VAT1: variants seen among roughly 807,000 people sequenced by gnomAD.
VAT1 encodes the protein NADPH-dependent quinone oxidoreductase VAT1.
VAT1 carries 24 observed loss-of-function variants against 33.3 expected under a neutral mutation model. The observed-to-expected ratio is 0.72, with a 90% CI of 0.52 to 1.01. The LOEUF (loss-of-function observed/expected upper bound fraction) is 1.01, where lower values mean the gene tolerates loss of function less well. Among genes scored for constraint, VAT1 ranks in the 50% least tolerant of loss-of-function variants. VAT1 has a pLI of 0.00. For missense variants in VAT1, 436 were observed against 533.7 expected, an observed-to-expected ratio of 0.82 and a Z score of 1.80; for synonymous variants, 212 against 225.0, an observed-to-expected ratio of 0.94 and a Z score of 0.52.
At chr17:43,018,504 A>G (rs1433042685) in intron 2 of VAT1, 88 bp downstream of exon 2, 4 of 1,472,392 alleles carry the variant, frequency 2.7e-6, no homozygotes, top group Non-Finnish European at 3.7e-6. Context: ...TGGTGTTGCC[A>G]TGACAACAAC....
chr17:43,019,124 T>G (rs1224016476), intron 1 of VAT1: 2 of 322,916 alleles, frequency 6.2e-6, no homozygotes, highest in Admixed American at 9.3e-5. Context: ...GATCCCTGAA[T>G]GCAAGAAGCT....
In VAT1 at chr17:43,015,055, A is replaced by G. The variant is rs2050509607; in HGVS notation, c.*1006T>C. 1.3e-5 allele frequency: 2 copies of G among 152,702 alleles called. No homozygotes were observed. The highest frequency in any genetic ancestry group is 2.1e-4 in the South Asian group (1 of 4,828). The allele number at this position is 152,702 out of a possible 1,614,324, so 9.5% of individuals were successfully genotyped here. On this transcript the variant is annotated 3_prime_UTR_variant, in exon 6 of 6. Transcript: ENST00000355653. ...TGCCTTTCAGAGCTCTGGCTAGTAA[A>G]TGCCACACATATCTGCAAGGCTGAG...
In VAT1 at chr17:43,017,822, C is replaced by T. The variant is rs1222550212; in HGVS notation, c.856+19G>A. On this transcript the variant is annotated intron_variant, in intron 4 of 5. Transcript: ENST00000355653. Reference sequence around the variant, plus strand: ...TCCTGCCCTCACATGCTCTCTCCATCCCTGGCCCACTAACTCACCATAGGT... The same window carrying T: ...TCCTGCCCTCACATGCTCTCTCCATTCCTGGCCCACTAACTCACCATAGGT... 1 of 1,612,968 alleles carries T rather than the reference C, an allele frequency of 6.2e-7. No individual in the cohort carries two copies. The highest frequency in any genetic ancestry group is 8.5e-7 in the Non-Finnish European group (1 of 1,179,098).
rs1394735437 is a variant in VAT1 at position 43,014,886 on chromosome 17, A to G, written c.*1175T>C. Reference sequence around the variant, plus strand: ...ATCCCACTCTGTACTTCCCTGCTCCATCTCCCCACCCATGTAAACAGAGTT... The same window carrying G: ...ATCCCACTCTGTACTTCCCTGCTCCGTCTCCCCACCCATGTAAACAGAGTT... On this transcript the variant is annotated 3_prime_UTR_variant, in exon 6 of 6. Coordinates refer to ENST00000355653, the MANE Select transcript of VAT1 (RefSeq NM_006373.4). The G allele has an allele frequency of 1.3e-5, 2 of 152,632 alleles. No individual in the cohort carries two copies. The highest frequency in any genetic ancestry group is 2.9e-5 in the Non-Finnish European group (2 of 68,098). 9.5% of individuals were successfully genotyped at this position (152,632 alleles called of 1,614,324 possible).
At chr17:43,021,861 C>G (rs1174592513) in intron 1 of VAT1, 75 bp downstream of exon 1, 127 of 1,562,822 alleles carry the variant, frequency 8.1e-5, no homozygotes, top group Non-Finnish European at 9.9e-5. Flanking sequence ...CTGCCACACC[C>G]CCGGCGCTCG....
In VAT1 at chr17:43,016,089, A is replaced by C. The variant is rs1292615833; in HGVS notation, c.1154T>G (p.Leu385Arg). The change falls in exon 6 of 6, where the codon CTG becomes CGG. Residue 385 changes from leucine (L) to arginine (R), a missense_variant. By Grantham distance (102) the Leu-to-Arg change is moderately radical. Coordinates refer to ENST00000355653, the MANE Select transcript of VAT1 (RefSeq NM_006373.4). ...QEKKNVGKVL[L>R]VPGPEKEN Reference sequence around the variant, plus strand: ...GTTCTCCTTCTCTGGCCCTGGAACCAGGAGGACCTTGCCCACATTCTTCTT... The same window carrying C: ...GTTCTCCTTCTCTGGCCCTGGAACCCGGAGGACCTTGCCCACATTCTTCTT... 2 of 1,614,184 alleles carry C rather than the reference A, an allele frequency of 1.2e-6. No individual in the cohort carries two copies. Among genetic ancestry groups the C allele is most frequent in the South Asian group, 2.2e-5 (2 of 91,076 alleles).
chr17:43,016,251 G>A (rs1272757420), intron 5 of VAT1, 56 bp downstream of exon 5: 9 of 1,607,288 alleles, frequency 5.6e-6, no homozygotes, highest in African/African-American at 1.3e-5. Context: ...TGCCCCTTGG[G>A]ACCCCAGCCT....
At chr17:43,016,810 G>T (rs543260143) in intron 4 of VAT1, among the ~76,000 whole-genome samples, 162 of 152,176 alleles carry the variant, frequency 1.1e-3, no homozygotes, top group African/African-American at 3.8e-3. Context: ...TTGAGGTCAG[G>T]AGTTCGAGAC....
At position 43,015,919 on chromosome 17, in the gene VAT1, G is replaced by C; in HGVS notation, c.*142C>G. 1 of 894,344 alleles carries C rather than the reference G, an allele frequency of 1.1e-6. No homozygotes were observed. The highest frequency in any genetic ancestry group is 1.5e-5 in the South Asian group (1 of 65,192). 55.4% of individuals were successfully genotyped at this position (894,344 alleles called of 1,614,324 possible). Reference sequence around the variant, plus strand: ...TCAGGAAGCGGGGAGGGGCAGGGGAGAGCGGTCATCACCACAGAGACCTTC... The same window carrying C: ...TCAGGAAGCGGGGAGGGGCAGGGGACAGCGGTCATCACCACAGAGACCTTC... On this transcript the variant is annotated 3_prime_UTR_variant, in exon 6 of 6. Coordinates refer to ENST00000355653, the MANE Select transcript of VAT1 (RefSeq NM_006373.4).
rs951443477 is a variant in VAT1 at position 43,015,318 on chromosome 17, T to TCC, written c.*741_*742dup. 2 of 152,580 alleles carry TCC rather than the reference T, an allele frequency of 1.3e-5. No homozygotes were observed. The highest frequency in any genetic ancestry group is 2.9e-5 in the Non-Finnish European group (2 of 68,138). 9.5% of individuals were successfully genotyped at this position (152,580 alleles called of 1,614,324 possible). ...GAGAAGGAGGTGGGAAACAGGATCC[T>TCC]CCCTCCCCGCCGCCACACACACACA... is the stretch of plus-strand genomic sequence containing the variant. On this transcript the variant is annotated 3_prime_UTR_variant, in exon 6 of 6. Transcript: ENST00000355653.
chr17:43,018,554 G>A (rs2050539931), intron 2 of VAT1, 38 bp downstream of exon 2: 1 of 1,605,970 alleles, frequency 6.2e-7, no homozygotes, highest in African/African-American at 1.3e-5. Context: ...AGGAAATCTG[G>A]GTGGGGTAAG....
chr17:43,019,805 ACAATCTGGGTCTGTCTTGAT>A (rs1199221341), intron 1 of VAT1, among the ~76,000 whole-genome samples: 1 of 152,070 alleles, frequency 6.6e-6, no homozygotes. Flanking sequence ...CTGTTCTGGG[ACAATCTGGGTCTGTCTTGAT>A]CCCTGCCAGG....
Position 43,015,797 on chromosome 17 carries a change from G to A in VAT1, c.*264C>T. 5.5e-6 allele frequency: 3 copies of A among 547,108 alleles called. No homozygotes were observed. The South Asian group carries it at 6.4e-5, about 12-fold the overall frequency. 33.9% of individuals were successfully genotyped at this position (547,108 alleles called of 1,614,324 possible). On this transcript the variant is annotated 3_prime_UTR_variant, in exon 6 of 6. Coordinates refer to ENST00000355653, the MANE Select transcript of VAT1 (RefSeq NM_006373.4). ...AAGCAGCACAGCAGGCCCGGGGAAA[G>A]GGTGGGGGCAGGAAGCAGCCGGCCT... is the stretch of plus-strand genomic sequence containing the variant.
chr17:43,015,156 T>C lies in VAT1; in HGVS notation c.*905A>G, dbSNP rs2050510359. 1 of 152,726 alleles carries C rather than the reference T, an allele frequency of 6.5e-6. No homozygotes were observed. The highest frequency in any genetic ancestry group is 1.5e-5 in the Non-Finnish European group (1 of 68,110). The allele number at this position is 152,726 out of a possible 1,614,324, so 9.5% of individuals were successfully genotyped here. A position where few individuals can be genotyped will look rare whatever the true frequency, so the allele number is the denominator to read the frequency against. On this transcript the variant is annotated 3_prime_UTR_variant, in exon 6 of 6. Transcript: ENST00000355653. ...AGACCACGATGAGGGCACCTGTTTT[T>C]GCCCTGCCTCCCCAGGAGGCTTGGG...
chr17:43,016,652 C>G (rs1245305980), intron 4 of VAT1, 104 bp from the exon 5 acceptor site: 5 of 1,493,048 alleles, frequency 3.3e-6, no homozygotes, highest in Non-Finnish European at 4.5e-6. Context: ...TTCTCCACAC[C>G]AGTGCCAGGG....
At chr17:43,021,900 T>C in intron 1 of VAT1, 36 bp downstream of exon 1, 1 of 1,606,904 alleles carries the variant, frequency 6.2e-7, no homozygotes, top group Non-Finnish European at 8.5e-7. Context: ...CCCAGTGGCC[T>C]GCGCAGCCCT....
chr17:43,015,882 C>G lies in VAT1; in HGVS notation c.*179G>C. 1 of 732,600 alleles carries G rather than the reference C, an allele frequency of 1.4e-6. No homozygotes were observed. The highest frequency in any genetic ancestry group is 1.7e-5 in the South Asian group (1 of 58,552). The allele number at this position is 732,600 out of a possible 1,614,324, so 45.4% of individuals were successfully genotyped here. A position where few individuals can be genotyped will look rare whatever the true frequency, so the allele number is the denominator to read the frequency against. ...AGACATCCAAATGGTCACTTCCCAA[C>G]CTCTTCAGAGGTCAGGAAGCGGGGA... On this transcript the variant is annotated 3_prime_UTR_variant, in exon 6 of 6. Transcript: ENST00000355653.
At chr17:43,019,916 T>G (rs1377967258) in intron 1 of VAT1, among the ~76,000 whole-genome samples, 2 of 152,074 alleles carry the variant, frequency 1.3e-5, no homozygotes, top group African/African-American at 2.4e-5. Flanking sequence ...CCCTTTTTCA[T>G]GTCCTCAAGC....
intron 1 of VAT1, among the ~76,000 whole-genome samples, chr17:43,020,874 T>TAA (rs57324710): frequency 1.3e-4 from 13 of 100,152 alleles, no homozygotes; most frequent in African/African-American, 3.5e-4. Context: ...AAACTCCGTC[T>TAA]AAAAAAAAAA....
Sources: gnomAD v4.1 joint callset for allele counts (sites outside exome capture counted in the v4.1 genomes callset) on GRCh38, gnomAD v4.1.1 for gene constraint, MANE v1.5 for transcripts, NCBI Gene and HGNC (gene_info 2026-07-23, HGNC 2026-07-21) for gene names.